Variants in COL14A1 observed in about 807,000 individuals in gnomAD.
COL14A1 encodes the protein collagen alpha-1(XIV) chain.
A neutral mutation model predicts 230.3 loss-of-function variants in COL14A1; 136 were observed. The ratio of observed to expected loss-of-function variants is 0.59; its 90% CI spans 0.51 to 0.68. The LOEUF (loss-of-function observed/expected upper bound fraction) is 0.68. Ranked by LOEUF, COL14A1 falls within the 30% of genes least tolerant of loss-of-function variation. The pLI is 0.00. For missense variants in COL14A1, 1,976 were observed against 2,215.8 expected (o/e 0.89, Z 2.17); for synonymous variants, 792 against 784.1 (o/e 1.01, Z -0.17).
At chr8:120,358,556 A>C (rs1012492627) in intron 45 of COL14A1, among the ~76,000 whole-genome samples, 3 of 151,894 alleles carry the variant, frequency 2.0e-5, no homozygotes, top group Admixed American at 6.6e-5. Context: ...GATTACTGCC[A>C]CGTGAACAAT....
intron 47 of COL14A1, chr8:120,370,337 T>A (rs1378402342): frequency 1.2e-6 from 2 of 1,612,022 alleles, no homozygotes; most frequent in Admixed American, 1.7e-5. Flanking sequence ...CTTATTAAGA[T>A]CTGATCCCCT....
intron 22 of COL14A1, among the ~76,000 whole-genome samples, chr8:120,252,941 A>G (rs1332352228): frequency 6.6e-6 from 1 of 152,206 alleles, no homozygotes; most frequent in East Asian, 1.9e-4. Flanking sequence ...AAGGCTAGAC[A>G]GTGAATAAAT....
intron 22 of COL14A1, among the ~76,000 whole-genome samples, 164 bp downstream of exon 22, chr8:120,250,930 C>T (rs557363993): frequency 6.6e-6 from 1 of 152,356 alleles, no homozygotes; most frequent in East Asian, 1.9e-4. Flanking sequence ...GCCTCAGCCT[C>T]TCGAGTAGCT....
chr8:120,160,583 AT>A (rs1470155950), intron 3 of COL14A1, among the ~76,000 whole-genome samples: 6 of 152,210 alleles, frequency 3.9e-5, no homozygotes, highest in Admixed American at 6.5e-5. Context: ...AAAGCAAATT[AT>A]TTCTTCATAA....
At chr8:120,171,655 T>C (rs1816097939) in intron 5 of COL14A1, among the ~76,000 whole-genome samples, 1 of 152,232 alleles carries the variant, frequency 6.6e-6, no homozygotes, top group African/African-American at 2.4e-5. Flanking sequence ...TGCTGTCTTT[T>C]ATCTTTGGGG....
intron 7 of COL14A1, among the ~76,000 whole-genome samples, 196 bp downstream of exon 7, chr8:120,198,126 T>C (rs1026990636): frequency 6.6e-6 from 1 of 152,160 alleles, no homozygotes; most frequent in Non-Finnish European, 1.5e-5. Context: ...ATGACTATAA[T>C]GTCCCAGGAA....
chr8:120,213,996 T>C (rs1817682395), intron 13 of COL14A1: 1 of 378,966 alleles, frequency 2.6e-6, no homozygotes, highest in African/African-American at 2.2e-5. Flanking sequence ...AGAATCAGTA[T>C]GTATTGAATT....
At chr8:120,222,197 T>G (rs1054398310) in intron 14 of COL14A1, among the ~76,000 whole-genome samples, 1 of 152,200 alleles carries the variant, frequency 6.6e-6, no homozygotes, top group Non-Finnish European at 1.5e-5. Flanking sequence ...AGGATTGTGA[T>G]AAGGATTAAA....
chr8:120,340,109 A>AGTGTGT (rs10665249), intron 42 of COL14A1, among the ~76,000 whole-genome samples: 1,792 of 144,010 alleles, frequency 0.012, 34 homozygotes, highest in African/African-American at 0.038. Flanking sequence ...TGAGTGAGTG[A>AGTGTGT]GTGTGTGTGT....
chr8:120,157,843 G>A (rs963807473), intron 2 of COL14A1, among the ~76,000 whole-genome samples: 5 of 151,824 alleles, frequency 3.3e-5, no homozygotes, highest in East Asian at 1.9e-4. Context: ...AAAATTAGCC[G>A]GGCGTGGTGG....
At chr8:120,267,333 T>A (rs947642704) in intron 25 of COL14A1, among the ~76,000 whole-genome samples, 1 of 151,982 alleles carries the variant, frequency 6.6e-6, no homozygotes, top group Non-Finnish European at 1.5e-5. Flanking sequence ...AAAGTAGTGA[T>A]CATTATTTTT....
intron 1 of COL14A1, among the ~76,000 whole-genome samples, chr8:120,129,852 A>G (rs1814471084): frequency 6.6e-6 from 1 of 152,216 alleles, no homozygotes; most frequent in Non-Finnish European, 1.5e-5. Flanking sequence ...TAACTATTAA[A>G]TCAATCAATA....
At position 120,212,440 on chromosome 8, in the gene COL14A1, C is replaced by T. The variant is rs1469053062; in HGVS notation, c.1468-8C>T. On this transcript the variant is annotated splice_region_variant and splice_polypyrimidine_tract_variant and intron_variant, in intron 12 of 47. Transcript: ENST00000297848. Reference sequence around the variant, plus strand: ...GGCAAATGATCTAACAACATGTGTTCTTTTCAGATGAAAATTGGAGAGACC... The same window carrying T: ...GGCAAATGATCTAACAACATGTGTTTTTTTCAGATGAAAATTGGAGAGACC... 1 of 1,612,414 alleles carries T rather than the reference C, an allele frequency of 6.2e-7. No homozygotes were observed. Among genetic ancestry groups the T allele is most frequent in the East Asian group, 2.2e-5 (1 of 44,824 alleles).
chr8:120,280,809 T>G, intron 30 of COL14A1, 60 bp downstream of exon 30: 1 of 1,550,438 alleles, frequency 6.4e-7, no homozygotes, highest in Non-Finnish European at 8.7e-7. Flanking sequence ...CAATTGGGGA[T>G]GGGGTTTCTG....
At chr8:120,166,872 TTAAGTGTGTGTGTGTG>T (rs1350858867) in intron 4 of COL14A1, among the ~76,000 whole-genome samples, 6 of 85,744 alleles carry the variant, frequency 7.0e-5, no homozygotes, top group Non-Finnish European at 1.5e-4. Flanking sequence ...AGAAAAGAAT[TTAAGTGTGTGTGTGTG>T]TGTGTGTGTG....
intron 5 of COL14A1, among the ~76,000 whole-genome samples, chr8:120,169,545 A>G (rs1335943428): frequency 6.6e-6 from 1 of 151,862 alleles, no homozygotes; most frequent in African/African-American, 2.4e-5. Context: ...TATTTCTTTA[A>G]TGAACACATA....
At chr8:120,207,461 G>A (rs1586766234) in intron 10 of COL14A1, among the ~76,000 whole-genome samples, 2 of 152,292 alleles carry the variant, frequency 1.3e-5, no homozygotes, top group African/African-American at 4.8e-5. Flanking sequence ...TTCTGCCTTA[G>A]TTAAGTCTGT....
At chr8:120,201,887 A>G (rs1294541360) in intron 8 of COL14A1, among the ~76,000 whole-genome samples, 1 of 151,440 alleles carries the variant, frequency 6.6e-6, no homozygotes, top group East Asian at 2.0e-4. Context: ...CAGTCAAACT[A>G]TTTTATTTGG....
chr8:120,333,138 C>T (rs964037942), intron 42 of COL14A1, among the ~76,000 whole-genome samples: 4 of 152,192 alleles, frequency 2.6e-5, no homozygotes, highest in East Asian at 1.9e-4. Flanking sequence ...TTTTTCTCTT[C>T]CAAATTCTAC....
Sources: gnomAD v4.1 joint callset for allele counts (sites outside exome capture counted in the v4.1 genomes callset) on GRCh38, gnomAD v4.1.1 for gene constraint, MANE v1.5 for transcripts, NCBI Gene and HGNC (gene_info 2026-07-23, HGNC 2026-07-21) for gene names.